MTUS2: variants seen among roughly 807,000 people sequenced by gnomAD.
MTUS2 encodes microtubule associated scaffold protein 2, also known as microtubule-associated tumor suppressor candidate 2.
In MTUS2, 40 loss-of-function variants were observed where a neutral mutation model predicts 114.1. That is an observed-to-expected ratio of 0.35 (90% CI 0.27 to 0.46). MTUS2 has a LOEUF of 0.46. Among genes scored for constraint, MTUS2 ranks in the 20% least tolerant of loss-of-function variants. MTUS2 has a pLI of 1.00. For missense variants in MTUS2, 1,679 were observed against 1,705.4 expected, an observed-to-expected ratio of 0.98 and a Z score of 0.27; for synonymous variants, 688 against 672.0, an observed-to-expected ratio of 1.02 and a Z score of -0.37.
At chr13:29,384,511 G>A (rs1348678790) in intron 8 of MTUS2, among the ~76,000 whole-genome samples, 3 of 152,218 alleles carry the variant, frequency 2.0e-5, no homozygotes, top group Non-Finnish European at 4.4e-5. Flanking sequence ...CTCAGGCCAA[G>A]CTGGATTCTG....
chr13:28,827,647 A>G (rs1874359006), intron 1 of MTUS2, among the ~76,000 whole-genome samples: 1 of 152,106 alleles, frequency 6.6e-6, no homozygotes, highest in Non-Finnish European at 1.5e-5. Flanking sequence ...TTCCCTAAGT[A>G]TTGGCCGGTC....
intron 8 of MTUS2, among the ~76,000 whole-genome samples, chr13:29,427,397 C>T (rs1282773426): frequency 6.6e-6 from 1 of 152,116 alleles, no homozygotes; most frequent in Non-Finnish European, 1.5e-5. Flanking sequence ...CATTTTTATG[C>T]TGTTACCAAC....
intron 4 of MTUS2, among the ~76,000 whole-genome samples, chr13:29,051,368 A>G (rs1336579244): frequency 6.6e-6 from 1 of 152,144 alleles, no homozygotes; most frequent in Non-Finnish European, 1.5e-5. Flanking sequence ...CTAGGGAGGG[A>G]CTAGGCCTGT....
At chr13:29,344,632 C>T (rs557639452) in intron 7 of MTUS2, among the ~76,000 whole-genome samples, 2 of 152,102 alleles carry the variant, frequency 1.3e-5, no homozygotes, top group African/African-American at 4.8e-5. Flanking sequence ...TTAAGTGGAA[C>T]ATTTAGGCCA....
chr13:29,019,328 C>G (rs766008238), intron 2 of MTUS2, among the ~76,000 whole-genome samples: 2 of 152,064 alleles, frequency 1.3e-5, no homozygotes, highest in Non-Finnish European at 2.9e-5. Flanking sequence ...TTGTCCCCTG[C>G]TGTGTTCTGC....
intron 5 of MTUS2, among the ~76,000 whole-genome samples, chr13:29,181,485 A>G (rs1894002168): frequency 6.6e-6 from 1 of 152,170 alleles, no homozygotes; most frequent in Non-Finnish European, 1.5e-5. Flanking sequence ...TGATGCCAGC[A>G]CTTTTTGAAG....
intron 4 of MTUS2, among the ~76,000 whole-genome samples, chr13:29,053,946 G>T (rs1035323696): frequency 5.9e-5 from 9 of 152,062 alleles, no homozygotes; most frequent in African/African-American, 2.2e-4. Flanking sequence ...GGAACTGCTG[G>T]GCTATACAGT....
chr13:29,062,701 A>C (rs922083507), intron 4 of MTUS2, among the ~76,000 whole-genome samples: 1 of 152,072 alleles, frequency 6.6e-6, no homozygotes, highest in African/African-American at 2.4e-5. Flanking sequence ...TTTCCCTCCT[A>C]TGTTGATCCT....
chr13:29,453,930 C>T (rs906453591), intron 9 of MTUS2, among the ~76,000 whole-genome samples: 9 of 152,252 alleles, frequency 5.9e-5, no homozygotes, highest in African/African-American at 2.2e-4. Flanking sequence ...GCCTGATTCA[C>T]TCAAAGAACC....
At chr13:28,833,771 A>G (rs891997694) in intron 1 of MTUS2, among the ~76,000 whole-genome samples, 1 of 152,156 alleles carries the variant, frequency 6.6e-6, no homozygotes, top group African/African-American at 2.4e-5. Context: ...TTTGCAGATG[A>G]CATGATCTTG....
chr13:29,236,420 A>G (rs1330549992), intron 5 of MTUS2, among the ~76,000 whole-genome samples: 4 of 152,206 alleles, frequency 2.6e-5, no homozygotes, highest in Non-Finnish European at 4.4e-5. Context: ...ACTCCCTGAA[A>G]ACTCAAGCCC....
intron 6 of MTUS2, among the ~76,000 whole-genome samples, chr13:29,286,668 G>GTTTGTCTATCTATCTATCTATCTA (rs1898497030): frequency 1.3e-5 from 1 of 78,964 alleles, no homozygotes; most frequent in Non-Finnish European, 2.7e-5. Context: ...CTGTCTGTCT[G>GTTTGTCTATCTATCTATCTATCTA]TCTGTCTATC....
intron 4 of MTUS2, among the ~76,000 whole-genome samples, chr13:29,036,831 C>G (rs373460774): frequency 6.1e-5 from 1 of 16,386 alleles, no homozygotes; most frequent in Non-Finnish European, 2.1e-4. Flanking sequence ...GATTGCAACC[C>G]TTGTCTTTTT....
chr13:28,876,409 G>A (rs1013938205), intron 2 of MTUS2, among the ~76,000 whole-genome samples: 5 of 152,138 alleles, frequency 3.3e-5, no homozygotes, highest in African/African-American at 4.8e-5. Flanking sequence ...CAGGGTTCCC[G>A]CATGACATCA....
intron 6 of MTUS2, among the ~76,000 whole-genome samples, chr13:29,320,429 G>A (rs965020194): frequency 6.6e-6 from 1 of 152,218 alleles, no homozygotes; most frequent in Non-Finnish European, 1.5e-5. Context: ...GTGATAATTT[G>A]TTACAGTGGT....
chr13:29,222,715 A>T (rs935353467), intron 5 of MTUS2, among the ~76,000 whole-genome samples: 1 of 152,176 alleles, frequency 6.6e-6, no homozygotes, highest in African/African-American at 2.4e-5. Context: ...CTGCCCAACC[A>T]TGGCTGTGGA....
At chr13:28,996,984 T>G (rs1164056345) in intron 2 of MTUS2, among the ~76,000 whole-genome samples, 2 of 152,224 alleles carry the variant, frequency 1.3e-5, no homozygotes, top group Non-Finnish European at 2.9e-5. Context: ...TTAATTGTGA[T>G]GTTAGGTGTC....
At chr13:29,084,991 C>T (rs1357882200) in intron 4 of MTUS2, among the ~76,000 whole-genome samples, 1 of 152,174 alleles carries the variant, frequency 6.6e-6, no homozygotes, top group South Asian at 2.1e-4. Flanking sequence ...GTGGATCCCT[C>T]ATGTATGGCT....
intron 2 of MTUS2, among the ~76,000 whole-genome samples, chr13:28,935,256 T>C (rs977225212): frequency 6.6e-6 from 1 of 152,190 alleles, no homozygotes; most frequent in Admixed American, 6.5e-5. Flanking sequence ...ATGATGTTGT[T>C]ATGAACATTT....
Sources: gnomAD v4.1 joint callset for allele counts (sites outside exome capture counted in the v4.1 genomes callset) on GRCh38, gnomAD v4.1.1 for gene constraint, MANE v1.5 for transcripts, NCBI Gene and HGNC (gene_info 2026-07-23, HGNC 2026-07-21) for gene names.